The following ZNF385D variants were observed in gnomAD, a reference collection of about 807,000 sequenced individuals.
ZNF385D encodes zinc finger protein 659.
In ZNF385D, 15 loss-of-function variants were observed where a neutral mutation model predicts 35.8. That is an observed-to-expected ratio of 0.42 (90% CI 0.28 to 0.64). The LOEUF (loss-of-function observed/expected upper bound fraction) is 0.64, where lower values mean the gene tolerates loss of function less well. ZNF385D is among the 30% of genes least tolerant of loss of function. ZNF385D has a pLI of 0.23. For synonymous variants in ZNF385D, 212 were observed against 186.8 expected, an observed-to-expected ratio of 1.13 and a Z score of -1.10; for missense variants, 474 against 494.6, an observed-to-expected ratio of 0.96 and a Z score of 0.39.
rs1394581655 is a variant in ZNF385D, at chr3:21,732,329, G to C, written c.22+18566C>G. Among the ~76,000 whole-genome samples, 3 of 152,072 alleles carry C rather than the reference G, an allele frequency of 2.0e-5. No homozygotes were observed. The East Asian group carries it at 5.8e-4, about 29-fold the overall frequency. On this transcript the variant is annotated intron_variant, in intron 1 of 7. Transcript: ENST00000281523. ...GGCCTCTCAAAGTGCTGGGATTACA[G>C]GCGTGAGCCACCGTGCCTGGCCATG...
rs574455385 is a variant in ZNF385D, at chr3:21,483,213, AAT to A, written c.439+27646_439+27647del. Among the ~76,000 whole-genome samples the A allele has an allele frequency of 1.1e-3, 173 of 152,280 alleles. 1 individual carries two copies. The highest frequency in any genetic ancestry group is 4.1e-3 in the African/African-American group (170 of 41,564). On this transcript the variant is annotated intron_variant, in intron 4 of 7. Coordinates refer to ENST00000281523, the MANE Select transcript of ZNF385D (RefSeq NM_024697.3). ...GCTATGTCTTCAATGTAATTTGGAG[AAT>A]GTCACATAAGTGGAATAGTAAAAGA...
At chr3:22,001,053 A>G (rs1046385327) in intron 3 of ZNF385D, among the ~76,000 whole-genome samples, 1 of 152,164 alleles carries the variant, frequency 6.6e-6, no homozygotes, top group Non-Finnish European at 1.5e-5. Context: ...ATGAACTGCA[A>G]TGAGAAACAG....
At position 22,112,652 on chromosome 3, in the gene ZNF385D, T is replaced by C. The variant is rs73822861; in HGVS notation, c.325+56165A>G. Among the ~76,000 whole-genome samples, 281 of 152,236 alleles carry C rather than the reference T, an allele frequency of 1.8e-3. 2 individuals carry two copies. The highest frequency in any genetic ancestry group is 6.1e-3 in the African/African-American group (255 of 41,564). ...TCTTTATAGATAAATAAGGGTTTGA[T>C]ATATGCAGATGCAATCTGGAACAAT... On this transcript the variant is annotated intron_variant, in intron 3 of 5. Coordinates refer to the ZNF385D transcript ENST00000494108.
At chr3:21,948,365 G>A (rs1701897809) in intron 3 of ZNF385D, among the ~76,000 whole-genome samples, 1 of 149,752 alleles carries the variant, frequency 6.7e-6, no homozygotes, top group Admixed American at 6.6e-5. Flanking sequence ...AACTCTTTTA[G>A]GAGGCAGGTT....
intron 3 of ZNF385D, among the ~76,000 whole-genome samples, chr3:21,545,057 T>C (rs1479291865): frequency 6.6e-6 from 1 of 152,240 alleles, no homozygotes; most frequent in Non-Finnish European, 1.5e-5. Flanking sequence ...CTAAAACTAA[T>C]GGCTAAGTAT....
intron 3 of ZNF385D, among the ~76,000 whole-genome samples, chr3:22,047,694 T>C (rs1699089485): frequency 2.0e-5 from 3 of 152,130 alleles, no homozygotes; most frequent in South Asian, 4.1e-4. Context: ...TGTGAATGTT[T>C]CTTCAATGAA....
chr3:21,912,559 A>G (rs71310293), intron 3 of ZNF385D, among the ~76,000 whole-genome samples: 285 of 152,118 alleles, frequency 1.9e-3, no homozygotes, highest in Non-Finnish European at 2.9e-3. Flanking sequence ...CATTCGAAGC[A>G]CTCCAGTGGA....
In ZNF385D at chr3:21,447,991, G is replaced by A. The variant is rs147165364; in HGVS notation, c.440-10788C>T. Among the ~76,000 whole-genome samples, 234 of 152,212 alleles carry A rather than the reference G, an allele frequency of 1.5e-3. 4 individuals are homozygous for A. The highest frequency in any genetic ancestry group is 9.7e-3 in the Admixed American group (148 of 15,280). On this transcript the variant is annotated intron_variant, in intron 4 of 7. Transcript: ENST00000281523. ...AGAACATTATCCCATCTGGACTCAG[G>A]CATTTTGTTGTATGTGCAAGAGTTA...
chr3:21,783,276 G>C (rs114463456), intron 3 of ZNF385D, among the ~76,000 whole-genome samples: 103 of 152,226 alleles, frequency 6.8e-4, no homozygotes, highest in African/African-American at 2.5e-3. Flanking sequence ...TGTGCAATGG[G>C]TTTAGTTTGG....
intron 2 of ZNF385D, among the ~76,000 whole-genome samples, chr3:22,340,671 T>C (rs975679744): frequency 7.9e-5 from 12 of 152,010 alleles, no homozygotes; most frequent in African/African-American, 2.9e-4. Flanking sequence ...AAGATGTGAA[T>C]AGGACATAAG....
intron 3 of ZNF385D, among the ~76,000 whole-genome samples, chr3:21,793,060 C>T (rs963979580): frequency 1.3e-5 from 2 of 152,108 alleles, no homozygotes; most frequent in Non-Finnish European, 2.9e-5. Flanking sequence ...CACATAGCCA[C>T]CATAGTTTCT....
chr3:21,447,709 C>T (rs547746577), intron 4 of ZNF385D, among the ~76,000 whole-genome samples: 7 of 152,080 alleles, frequency 4.6e-5, no homozygotes, highest in East Asian at 1.9e-4. Flanking sequence ...TGAAGTTGAA[C>T]GAAAAGTGAG....
At chr3:22,369,611 C>T (rs1696808774) in intron 2 of ZNF385D, among the ~76,000 whole-genome samples, 1 of 152,104 alleles carries the variant, frequency 6.6e-6, no homozygotes, top group South Asian at 2.1e-4. Flanking sequence ...TCCAAAGCTG[C>T]TCCCAAATTT....
intron 3 of ZNF385D, among the ~76,000 whole-genome samples, chr3:21,990,604 A>T (rs1390748760): frequency 1.3e-5 from 2 of 152,228 alleles, no homozygotes; most frequent in African/African-American, 4.8e-5. Context: ...GCTATAAATT[A>T]TAACTTTCTC....
intron 4 of ZNF385D, among the ~76,000 whole-genome samples, chr3:21,445,064 T>G (rs955754208): frequency 6.6e-6 from 1 of 152,196 alleles, no homozygotes; most frequent in Non-Finnish European, 1.5e-5. Context: ...TCCAGTCCCC[T>G]GAGGAGATAA....
intron 4 of ZNF385D, among the ~76,000 whole-genome samples, chr3:21,438,752 A>C (rs1425669606): frequency 6.6e-6 from 1 of 152,098 alleles, no homozygotes; most frequent in African/African-American, 2.4e-5. Flanking sequence ...TCACCTGCCA[A>C]GTTTTCAAAA....
intron 2 of ZNF385D, among the ~76,000 whole-genome samples, chr3:21,640,757 G>A (rs2065580770): frequency 6.6e-6 from 1 of 152,084 alleles, no homozygotes; most frequent in African/African-American, 2.4e-5. Context: ...AGCCAGAGCT[G>A]ACTAAGACTA....
chr3:21,922,849 C>G (rs775806474), intron 3 of ZNF385D, among the ~76,000 whole-genome samples: 46 of 152,060 alleles, frequency 3.0e-4, no homozygotes, highest in Non-Finnish European at 5.7e-4. Flanking sequence ...AATAGACAAC[C>G]TACAGAATGG....
At chr3:22,236,181 A>T (rs1009647019) in intron 2 of ZNF385D, among the ~76,000 whole-genome samples, 2 of 152,146 alleles carry the variant, frequency 1.3e-5, no homozygotes, top group African/African-American at 4.8e-5. Flanking sequence ...TCCAGGAAAA[A>T]ATTTTATGAT....
Sources: allele counts gnomAD v4.1 joint callset (sites outside exome capture counted in the v4.1 genomes callset), GRCh38; gene constraint gnomAD v4.1.1; transcripts MANE v1.5; gene names NCBI Gene and HGNC (gene_info 2026-07-23, HGNC 2026-07-21).